VPS16: variants seen among roughly 807,000 people sequenced by gnomAD.
VPS16 encodes the protein vacuolar protein sorting-associated protein 16 homolog.
In VPS16, 82 loss-of-function variants were observed where a neutral mutation model predicts 116.0. The ratio of observed to expected loss-of-function variants is 0.71; its 90% CI spans 0.59 to 0.85. VPS16 has a LOEUF of 0.85. Among genes scored for constraint, VPS16 ranks in the 40% least tolerant of loss-of-function variants. The pLI is 0.00. For synonymous variants in VPS16, 406 were observed against 420.7 expected (o/e 0.96, Z 0.43); for missense variants, 928 against 1,090.6 (o/e 0.85, Z 2.10).
At position 2,865,632 on chromosome 20, in the gene VPS16, T is replaced by TAC; in HGVS notation, c.2271+141_2271+142dup. 1.3e-6 allele frequency: 1 copy of TAC among 789,626 alleles called. No homozygotes were observed. The highest frequency in any genetic ancestry group is 2.0e-6 in the Non-Finnish European group (1 of 503,486). The allele number at this position is 789,626 out of a possible 1,614,324, so 48.9% of individuals were successfully genotyped here. On this transcript the variant is annotated intron_variant, in intron 22 of 23. Transcript: ENST00000380445. This position sits in a 1 kb window ranked among gnomAD's most constrained non-coding sequence, Gnocchi z 5.2. ...GCATAGTTAGCGAGTGCTTCCTGTA[T>TAC]ACACATTTGTGGGCAGGCATCATCT...
In VPS16 at chr20:2,863,749, A is replaced by G. The variant is rs1416250214; in HGVS notation, c.1477-200A>G. 6.6e-6 allele frequency among the ~76,000 whole-genome samples: 1 copy of G among 151,980 alleles called. No homozygotes were observed. The highest frequency in any genetic ancestry group is 2.4e-5 in the African/African-American group (1 of 41,428). On this transcript the variant is annotated intron_variant, in intron 15 of 23. Transcript: ENST00000380445. The surrounding 1 kb of genome is among the most constrained non-coding windows in gnomAD (Gnocchi z 4.4). Reference sequence around the variant, plus strand: ...TGCACTCCAGCCTGGGCGACAGAGCAAGACTCTGTCTCAAAAAAAAAGAAA... The same window carrying G: ...TGCACTCCAGCCTGGGCGACAGAGCGAGACTCTGTCTCAAAAAAAAAGAAA...
Position 2,861,540 on chromosome 20 carries a change from A to G in VPS16, c.810-75A>G. 2.0e-6 allele frequency: 3 copies of G among 1,510,270 alleles called. No homozygotes were observed. The South Asian group carries it at 3.8e-5, about 19-fold the overall frequency. 93.6% of individuals were successfully genotyped at this position (1,510,270 alleles called of 1,614,324 possible). On this transcript the variant is annotated intron_variant, in intron 8 of 23. Transcript: ENST00000380445. ...AAGTGTATACAGGCTGTCCCGAGACAAAGGATTATGAGCAGCCATGTGGGA... is the reference window on the plus strand; with the variant it reads ...AAGTGTATACAGGCTGTCCCGAGACGAAGGATTATGAGCAGCCATGTGGGA...
At chr20:2,854,761 A>T (rs6051441) in intron 1 of VPS16, among the ~76,000 whole-genome samples, 2 of 147,612 alleles carry the variant, frequency 1.4e-5, no homozygotes, top group African/African-American at 2.5e-5. Context: ...GCACCATTGC[A>T]CTCCAGCCTG....
rs2089270536 is a variant in VPS16 at position 2,863,622 on chromosome 20, C to T, written c.1476+224C>T. ...TACTAAAAATACAAAATTAGCCGGG[C>T]ACGGTGGCGCATGCCTGTAATCCCA... On this transcript the variant is annotated intron_variant, in intron 15 of 23. Transcript: ENST00000380445. This position sits in a 1 kb window ranked among gnomAD's most constrained non-coding sequence, Gnocchi z 4.4. Among the ~76,000 whole-genome samples the T allele has an allele frequency of 6.6e-6, 1 of 152,128 alleles. No individual in the cohort carries two copies. Among genetic ancestry groups the T allele is most frequent in the Non-Finnish European group, 1.5e-5 (1 of 68,020 alleles).
At position 2,864,584 on chromosome 20, in the gene VPS16, T is replaced by C; in HGVS notation, c.1856T>C (p.Leu619Pro). 1 of 1,614,152 alleles carries C rather than the reference T, an allele frequency of 6.2e-7. No homozygotes were observed. Among genetic ancestry groups the C allele is most frequent in the Non-Finnish European group, 8.5e-7 (1 of 1,180,038 alleles). Residue 619 changes from leucine (L) to proline (P), a missense_variant, in exon 19 of 24, where the codon CTT becomes CCT. Coordinates refer to ENST00000380445, the MANE Select transcript of VPS16 (RefSeq NM_022575.4). This position sits in a 1 kb window ranked among gnomAD's most constrained non-coding sequence, Gnocchi z 5.2. ...CAGGAGCTAGAGACGCTGAAGGACCTTTACAATCAGGATGACAATCACCAG... is the reference window on the plus strand; with the variant it reads ...CAGGAGCTAGAGACGCTGAAGGACCCTTACAATCAGGATGACAATCACCAG... Reference protein sequence around the residue: ...KHQELETLKDLYNQDDNHQEL... With the variant: ...KHQELETLKDPYNQDDNHQEL...
chr20:2,850,986 AAAAG>A (rs943554236), intron 1 of VPS16, among the ~76,000 whole-genome samples: 8 of 151,176 alleles, frequency 5.3e-5, no homozygotes, highest in South Asian at 2.1e-4. Flanking sequence ...AAAAAAAAGA[AAAAG>A]AATATGAGAT....
At chr20:2,849,626 G>A (rs1485647851) in intron 1 of VPS16, among the ~76,000 whole-genome samples, 1 of 151,776 alleles carries the variant, frequency 6.6e-6, no homozygotes, top group Non-Finnish European at 1.5e-5. Context: ...GGGGGGGGTG[G>A]GTGCTGTTAG....
chr20:2,861,954 C>T, intron 10 of VPS16, 55 bp downstream of exon 10: 10 of 1,605,672 alleles, frequency 6.2e-6, no homozygotes, highest in Non-Finnish European at 8.5e-6. Flanking sequence ...CTCGGCACCC[C>T]AGCTGCCCTG....
At chr20:2,842,713 T>A (rs1175957689) in intron 1 of VPS16, among the ~76,000 whole-genome samples, 1 of 72,210 alleles carries the variant, frequency 1.4e-5, no homozygotes, top group African/African-American at 9.7e-5. Flanking sequence ...TATATATAGA[T>A]AGACATATGG....
At chr20:2,848,369 A>G (rs1397442744) in intron 1 of VPS16, among the ~76,000 whole-genome samples, 1 of 152,104 alleles carries the variant, frequency 6.6e-6, no homozygotes, top group Non-Finnish European at 1.5e-5. Context: ...TCAGCCTCTC[A>G]AAGTGCTGGG....
chr20:2,842,912 T>C (rs16988128), intron 1 of VPS16, among the ~76,000 whole-genome samples: 162 of 1,760 alleles, frequency 0.092, 3 homozygotes, highest in African/African-American at 0.23. Context: ...ATATATGTTA[T>C]GGATTGCAAG....
intron 1 of VPS16, among the ~76,000 whole-genome samples, chr20:2,854,238 T>TACACACACAA (rs1555796641): frequency 7.2e-6 from 1 of 139,806 alleles, no homozygotes. Flanking sequence ...ACCCCGTCTC[T>TACACACACAA]ACACACACAC....
intron 1 of VPS16, among the ~76,000 whole-genome samples, chr20:2,857,812 G>C (rs1408867035): frequency 2.0e-5 from 3 of 152,110 alleles, no homozygotes; most frequent in African/African-American, 7.2e-5. Flanking sequence ...CTGGGCTCAA[G>C]CAATTCTCCT....
At chr20:2,841,327 G>T (rs751370493) in intron 1 of VPS16, 1 of 159,590 alleles carries the variant, frequency 6.3e-6, no homozygotes, top group Non-Finnish European at 1.4e-5. Context: ...CTAAACCACG[G>T]ATTTTTCTAA....
At position 2,863,115 on chromosome 20, in the gene VPS16, A is replaced by AGGGT; in HGVS notation, c.1367+17_1367+20dup. ...CTGCTGGACAGGTAGGGTAAGCCCA[A>AGGGT]GGGTGCAGTGAGCGGGCTGTCAGGG... On this transcript the variant is annotated intron_variant, in intron 14 of 23. Transcript: ENST00000380445. This position sits in a 1 kb window ranked among gnomAD's most constrained non-coding sequence, Gnocchi z 4.4. The AGGGT allele has an allele frequency of 6.2e-7, 1 of 1,613,852 alleles. No homozygotes were observed. The highest frequency in any genetic ancestry group is 1.1e-5 in the South Asian group (1 of 91,074).
chr20:2,862,772 GA>G (rs779668447), intron 12 of VPS16, 34 bp from the exon 13 acceptor site: 4 of 1,612,920 alleles, frequency 2.5e-6, no homozygotes, highest in South Asian at 2.2e-5. Context: ...GGGCAGCAGG[GA>G]AGCTCTCTCC....
chr20:2,858,712 C>T (rs1222277118), intron 1 of VPS16, among the ~76,000 whole-genome samples: 1 of 152,058 alleles, frequency 6.6e-6, no homozygotes, highest in Non-Finnish European at 1.5e-5. Context: ...TGATGACATA[C>T]CTCAAGCTCC....
chr20:2,852,142 C>T (rs1213117088), intron 1 of VPS16, among the ~76,000 whole-genome samples: 2 of 151,996 alleles, frequency 1.3e-5, no homozygotes, highest in Admixed American at 6.6e-5. Context: ...GAAGGTGATC[C>T]GGAAAGTGCT....
At position 2,862,848 on chromosome 20, in the gene VPS16, C is replaced by A; in HGVS notation, c.1245C>A (p.Pro415=). 1 of 1,614,092 alleles carries A rather than the reference C, an allele frequency of 6.2e-7. No homozygotes were observed. ...FGKCFLDRFP[P]DSFVHMCQDL... The stretch of plus-strand genomic sequence containing the variant: ...AGTGTTTCCTGGACAGATTTCCACC[C>A]GACAGCTTCGTGCACATGTGTCAGG... Residue 415 remains proline (P), a synonymous_variant, in exon 13 of 24, where the codon CCC becomes CCA. Transcript: ENST00000380445.
Sources: allele counts gnomAD v4.1 joint callset (sites outside exome capture counted in the v4.1 genomes callset), GRCh38; gene constraint gnomAD v4.1.1; non-coding constraint Gnocchi (gnomAD v3.1); transcripts MANE v1.5; gene names NCBI Gene and HGNC (gene_info 2026-07-23, HGNC 2026-07-21).